Variants in ADRA2B observed in about 807,000 individuals in gnomAD.
ADRA2B encodes the protein adrenoceptor alpha 2B.
ADRA2B carries 14 observed loss-of-function variants against 14.4 expected under a neutral mutation model. That is an observed-to-expected ratio of 0.97 (90% CI 0.64 to 1.52). The LOEUF is 1.52. Ranked by LOEUF, ADRA2B falls within the 40% of genes most tolerant of loss-of-function variation. The pLI is 0.00. For synonymous variants in ADRA2B, 250 were observed against 263.7 expected (o/e 0.95, Z 0.50); for missense variants, 606 against 603.2 (o/e 1.00, Z -0.05).
Position 96,116,285 on chromosome 2 carries a change from G to T in ADRA2B, c.-136C>A. ...GGCGCTGGAGCCCCATGGCCTGGAC[G>T]AGCGGGGCCTAGGAGGTCGGGAACA... is the stretch of plus-strand genomic sequence containing the variant. On this transcript the variant is annotated 5_prime_UTR_variant, in exon 1 of 1. Transcript: ENST00000620793. The T allele has an allele frequency of 1.3e-6, 1 of 749,902 alleles. No homozygotes were observed. Among genetic ancestry groups the T allele is most frequent in the Non-Finnish European group, 2.2e-6 (1 of 449,418 alleles). The allele number at this position is 749,902 out of a possible 1,614,324, so 46.5% of individuals were successfully genotyped here.
rs2229169 is a variant in ADRA2B, at chr2:96,114,968, T to G, written c.1182A>C (p.Gly394=). The G allele has an allele frequency of 0.67, 1,085,052 of 1,612,352 alleles. 367,634 individuals carry two copies. Among genetic ancestry groups the G allele is most frequent in the Middle Eastern group, 0.85 (5,164 of 6,060 alleles). The change falls in exon 1 of 1, where the codon GGA becomes GGC. Residue 394 remains glycine, a synonymous_variant. Transcript: ENST00000620793. ...CCTTGCAGTGCTTCGGGCAGATGGC[T>G]CCCAGGCTGTAGCTGAAGAAGAAGG... ...WFPFFFSYSL[G]AICPKHCKVP...
At position 96,116,098 on chromosome 2, in the gene ADRA2B, C is replaced by T. The variant is rs775048172; in HGVS notation, c.52G>A (p.Ala18Thr). ...GTAAAGAGAATGAGGAAGGTGATGG[C>T]CGCCGCTATGGCCGCTGTGGCCTGC... ...SVQATAAIAAAITFLILFTIF... is the reference protein window; with the variant it reads ...SVQATAAIAATITFLILFTIF... The change falls in exon 1 of 1, where the codon GCC becomes ACC. Residue 18 changes from alanine (A) to threonine (T), a missense_variant. Ala to Thr is a moderately conservative substitution (Grantham distance 58). Coordinates refer to ENST00000620793, the MANE Select transcript of ADRA2B (RefSeq NM_000682.7). 1 of 1,612,194 alleles carries T rather than the reference C, an allele frequency of 6.2e-7. No homozygotes were observed. Among genetic ancestry groups the T allele is most frequent in the South Asian group, 1.1e-5 (1 of 90,758 alleles).
Position 96,113,945 on chromosome 2 carries a change from C to A in ADRA2B, c.*852G>T. On this transcript the variant is annotated 3_prime_UTR_variant, in exon 1 of 1. Transcript: ENST00000620793. ...ACCATATAATCACATTTTTGGTTCT[C>A]TAGTGTGTTCCCCCACAGAGCTCAA... 1.0e-6 allele frequency: 1 copy of A among 985,858 alleles called. No individual in the cohort carries two copies. The allele number at this position is 985,858 out of a possible 1,614,324, so 61.1% of individuals were successfully genotyped here.
In ADRA2B at chr2:96,114,011, C is replaced by A; in HGVS notation, c.*786G>T. ...CTTTCATCTCCCTGCAGCAAGTAGG[C>A]AGTGAGCTATTGTCGCCCCGATTTT... On this transcript the variant is annotated 3_prime_UTR_variant, in exon 1 of 1. Transcript: ENST00000620793. 1 of 985,906 alleles carries A rather than the reference C, an allele frequency of 1.0e-6. No homozygotes were observed. Among genetic ancestry groups the A allele is most frequent in the Non-Finnish European group, 1.2e-6 (1 of 829,940 alleles). 61.1% of individuals were successfully genotyped at this position (985,906 alleles called of 1,614,324 possible). A position where few individuals can be genotyped will look rare whatever the true frequency, so the allele number is the denominator to read the frequency against.
At position 96,113,017 on chromosome 2, in the gene ADRA2B, C is replaced by T. The variant is rs1681786157; in HGVS notation, c.*1780G>A. The T allele has an allele frequency of 2.5e-6, 1 of 397,482 alleles. No individual in the cohort carries two copies. The highest frequency in any genetic ancestry group is 2.1e-5 in the African/African-American group (1 of 48,484). The allele number at this position is 397,482 out of a possible 1,614,324, so 24.6% of individuals were successfully genotyped here. A position where few individuals can be genotyped will look rare whatever the true frequency, so the allele number is the denominator to read the frequency against. Reference sequence around the variant, plus strand: ...CACACAAGACCGGCCAGCAGAGGGTCACAGTCAGTCCCTCTCCTGGCCCAG... The same window carrying T: ...CACACAAGACCGGCCAGCAGAGGGTTACAGTCAGTCCCTCTCCTGGCCCAG... On this transcript the variant is annotated 3_prime_UTR_variant, in exon 1 of 1. Transcript: ENST00000620793.
Position 96,115,395 on chromosome 2 carries a change from G to A in ADRA2B, c.755C>T (p.Ser252Phe), listed in dbSNP as rs1393193986. The A allele has an allele frequency of 6.2e-7, 1 of 1,608,656 alleles. No homozygotes were observed. Among genetic ancestry groups the A allele is most frequent in the Non-Finnish European group, 8.5e-7 (1 of 1,176,508 alleles). Reference protein sequence around the residue: ...SAREVNGHSKSTGEKEEGETP... With the variant: ...SAREVNGHSKFTGEKEEGETP... ...CTCCCCCTCCTCCTTCTCCCCAGTG[G>A]ACTTCGAGTGTCCGTTGACCTCTCT... The change falls in exon 1 of 1, where the codon TCC becomes TTC. Residue 252 changes from serine to phenylalanine, a missense_variant. Physicochemically the swap from Ser to Phe is radical, Grantham distance 155. Coordinates refer to ENST00000620793, the MANE Select transcript of ADRA2B (RefSeq NM_000682.7).
Position 96,116,387 on chromosome 2 carries a change from T to G in ADRA2B, c.-238A>C. 1.9e-6 allele frequency: 1 copy of G among 533,212 alleles called. No individual in the cohort carries two copies. Among genetic ancestry groups the G allele is most frequent in the East Asian group, 3.2e-5 (1 of 31,032 alleles). The allele number at this position is 533,212 out of a possible 1,614,324, so 33.0% of individuals were successfully genotyped here. On this transcript the variant is annotated 5_prime_UTR_variant, in exon 1 of 1. Transcript: ENST00000620793. ...CCCTGCCGTCCGCCCCAGAGAAGTT[T>G]CCCAAGTTGTCCCGCCGCCGTCCCC...
rs1267631285 is a variant in ADRA2B at position 96,115,121 on chromosome 2, C to G, written c.1029G>C (p.Val343=). 2 of 1,608,690 alleles carry G rather than the reference C, an allele frequency of 1.2e-6. No individual in the cohort carries two copies. The highest frequency in any genetic ancestry group is 4.5e-5 in the East Asian group (2 of 44,616). ...TAGCACCCACGCCCCTGCCCAGGAG[C>G]ACCTGGCCACGTAGGGTGGCCAGCA... The part of the protein sequence containing the change: ...SRVLATLRGQ[V]LLGRGVGAIG... The change falls in exon 1 of 1, where the codon GTG becomes GTC. Residue 343 remains valine, a synonymous_variant. Transcript: ENST00000620793.
rs1421966215 is a variant in ADRA2B at position 96,114,554 on chromosome 2, G to C, written c.*243C>G. ...CCAGAGGATTTGAACCACCTCCATC[G>C]GCCTGTGCTCAGGGAGAGGGTGGAG... is the stretch of plus-strand genomic sequence containing the variant. On this transcript the variant is annotated 3_prime_UTR_variant, in exon 1 of 1. Coordinates refer to ENST00000620793, the MANE Select transcript of ADRA2B (RefSeq NM_000682.7). The C allele has an allele frequency of 7.3e-7, 1 of 1,376,922 alleles. No individual in the cohort carries two copies. The highest frequency in any genetic ancestry group is 9.4e-7 in the Non-Finnish European group (1 of 1,065,452). 85.3% of individuals were successfully genotyped at this position (1,376,922 alleles called of 1,614,324 possible). A position where few individuals can be genotyped will look rare whatever the true frequency, so the allele number is the denominator to read the frequency against.
chr2:96,115,173 G>C lies in ADRA2B; in HGVS notation c.977C>G (p.Pro326Arg), dbSNP rs45494291. ...CCGGGAGCCCTGTGGCTGCTGCAGC[G>C]GGGGGCTGCAAGCTGAGGCCGGAGA... is the stretch of plus-strand genomic sequence containing the variant. ...PVSPASACSP[P>R]LQQPQGSRVL... The change falls in exon 1 of 1, where the codon CCG (proline) becomes CGG (arginine). Residue 326 changes from proline to arginine, a missense_variant. Physicochemically the swap from Pro to Arg is moderately radical, Grantham distance 103. Transcript: ENST00000620793. 6.2e-5 allele frequency: 97 copies of C among 1,572,766 alleles called. No individual in the cohort carries two copies. The highest frequency in any genetic ancestry group is 9.5e-5 in the African/African-American group (7 of 73,732).
rs917744622 is a variant in ADRA2B at position 96,114,510 on chromosome 2, T to G, written c.*287A>C. On this transcript the variant is annotated 3_prime_UTR_variant, in exon 1 of 1. Transcript: ENST00000620793. ...TCTGGGAAGAAAGTGCTCTCTCTTC[T>G]CCTGGTCTTGGCTATGTTCCAGAGG... 56 of 1,261,384 alleles carry G rather than the reference T, an allele frequency of 4.4e-5. No homozygotes were observed. The highest frequency in any genetic ancestry group is 5.5e-5 in the Non-Finnish European group (55 of 998,360). 78.1% of individuals were successfully genotyped at this position (1,261,384 alleles called of 1,614,324 possible). A position where few individuals can be genotyped will look rare whatever the true frequency, so the allele number is the denominator to read the frequency against.
At position 96,115,221 on chromosome 2, in the gene ADRA2B, C is replaced by T. The variant is rs867583498; in HGVS notation, c.929G>A (p.Cys310Tyr). 1.6e-5 allele frequency: 25 copies of T among 1,553,844 alleles called. No individual in the cohort carries two copies. Among genetic ancestry groups the T allele is most frequent in the Non-Finnish European group, 2.2e-5 (25 of 1,148,956 alleles). Residue 310 changes from cysteine to tyrosine, a missense_variant, in exon 1 of 1, where the codon TGT (cysteine) becomes TAT (tyrosine). Physicochemically the swap from Cys to Tyr is radical, Grantham distance 194. Coordinates refer to ENST00000620793, the MANE Select transcript of ADRA2B (RefSeq NM_000682.7). ...AGACACTGGCACTGCCTGGGGTTCA[C>T]ACTCTTCCTCCTCCTCCTCCTCCTC... ...EEEEEEEEEE[C>Y]EPQAVPVSPA...
At position 96,114,940 on chromosome 2, in the gene ADRA2B, G is replaced by C. The variant is rs1481106105; in HGVS notation, c.1210C>G (p.Pro404Ala). Residue 404 changes from proline to alanine, a missense_variant, in exon 1 of 1, where the codon CCC becomes GCC. By Grantham distance (27) the Pro-to-Ala change is conservative. Coordinates refer to ENST00000620793, the MANE Select transcript of ADRA2B (RefSeq NM_000682.7). ...GAICPKHCKV[P>A]HGLFQFFFWI... is the part of the protein sequence containing the mutation. ...AAGAAGAACTGGAAGAGGCCATGGG[G>C]CACCTTGCAGTGCTTCGGGCAGATG... is the stretch of plus-strand genomic sequence containing the variant. The C allele has an allele frequency of 6.2e-7, 1 of 1,613,726 alleles. No homozygotes were observed. Among genetic ancestry groups the C allele is most frequent in the Non-Finnish European group, 8.5e-7 (1 of 1,179,802 alleles).
In ADRA2B at chr2:96,116,069, G is replaced by A. The variant is rs1681867878; in HGVS notation, c.81C>T (p.Ile27=). 1 of 1,612,932 alleles carries A rather than the reference G, an allele frequency of 6.2e-7. No individual in the cohort carries two copies. Among genetic ancestry groups the A allele is most frequent in the Non-Finnish European group, 8.5e-7 (1 of 1,179,646 alleles). Residue 27 remains isoleucine, a synonymous_variant, in exon 1 of 1, where the codon ATC becomes ATT. Coordinates refer to ENST00000620793, the MANE Select transcript of ADRA2B (RefSeq NM_000682.7). ...CCAGGATGACCAGAGCGTTGCCGAA[G>A]ATGGTAAAGAGAATGAGGAAGGTGA... ...AAITFLILFT[I]FGNALVILAV... is the part of the protein sequence containing the mutation.
rs1381172406 is a variant in ADRA2B at position 96,115,519 on chromosome 2, C to G, written c.631G>C (p.Gly211Arg). 3 of 1,613,820 alleles carry G rather than the reference C, an allele frequency of 1.9e-6. No individual in the cohort carries two copies. The highest frequency in any genetic ancestry group is 2.5e-6 in the Non-Finnish European group (3 of 1,179,882). The change falls in exon 1 of 1, where the codon GGG becomes CGG. Residue 211 changes from glycine (G) to arginine (R), a missense_variant. Physicochemically the swap from Gly to Arg is moderately radical, Grantham distance 125. Transcript: ENST00000620793. ...RSNRRGPRAK[G>R]GPGQGESKQP... is the part of the protein sequence containing the mutation. ...TTGGACTCACCCTGCCCAGGCCCCC[C>G]CTTGGCCCTGGGACCTCTGCGGTTG... is the stretch of plus-strand genomic sequence containing the variant.
At position 96,116,517 on chromosome 2, in the gene ADRA2B, A is replaced by T. The variant is rs916639100; in HGVS notation, c.-368T>A. Among the ~76,000 whole-genome samples the T allele has an allele frequency of 6.6e-6, 1 of 151,720 alleles. No homozygotes were observed. The highest frequency in any genetic ancestry group is 2.0e-4 in the East Asian group (1 of 5,098). ...CCGGTTCTTAAAGGAGGCGCGGAGG[A>T]CCTTGCGCCCGCTCAGCTCGCAGGC... On this transcript the variant is annotated 5_prime_UTR_variant, in exon 1 of 1. Coordinates refer to ENST00000620793, the MANE Select transcript of ADRA2B (RefSeq NM_000682.7).
chr2:96,115,226 T>TTCCTCCTCC lies in ADRA2B; in HGVS notation c.915_923dup (p.Glu307_Glu309dup), dbSNP rs1354862709. 2.6e-6 allele frequency: 4 copies of TTCCTCCTCC among 1,539,734 alleles called. No individual in the cohort carries two copies. The highest frequency in any genetic ancestry group is 3.5e-6 in the Non-Finnish European group (4 of 1,139,188). ...CTGGCACTGCCTGGGGTTCACACTC[T>TTCCTCCTCC]TCCTCCTCCTCCTCCTCCTCTTCCT... On this transcript the variant is annotated inframe_insertion, in exon 1 of 1. Coordinates refer to ENST00000620793, the MANE Select transcript of ADRA2B (RefSeq NM_000682.7).
Position 96,115,282 on chromosome 2 carries a change from C to T in ADRA2B, c.868G>A (p.Gly290Arg). The change falls in exon 1 of 1, where the codon GGG (glycine) becomes AGG (arginine). Residue 290 changes from glycine to arginine, a missense_variant. Coordinates refer to ENST00000620793, the MANE Select transcript of ADRA2B (RefSeq NM_000682.7). ...TCAGCTTCATCCTCTGGAGATGCCC[C>T]ACAAACACCCTCCTTCTGGCCCTGG... Reference protein sequence around the residue: ...SGQGQKEGVCGASPEDEAEEE... With the variant: ...SGQGQKEGVCRASPEDEAEEE... The T allele has an allele frequency of 2.5e-6, 4 of 1,574,232 alleles. No homozygotes were observed. Among genetic ancestry groups the T allele is most frequent in the Non-Finnish European group, 3.4e-6 (4 of 1,159,732 alleles).
In ADRA2B at chr2:96,116,227, A is replaced by G; in HGVS notation, c.-78T>C. 7.4e-7 allele frequency: 1 copy of G among 1,353,792 alleles called. No homozygotes were observed. The highest frequency in any genetic ancestry group is 1.0e-6 in the Non-Finnish European group (1 of 969,144). The allele number at this position is 1,353,792 out of a possible 1,614,324, so 83.9% of individuals were successfully genotyped here. A position where few individuals can be genotyped will look rare whatever the true frequency, so the allele number is the denominator to read the frequency against. On this transcript the variant is annotated 5_prime_UTR_variant, in exon 1 of 1. An upstream open reading frame in the 5' UTR loses its in-frame stop. Coordinates refer to ENST00000620793, the MANE Select transcript of ADRA2B (RefSeq NM_000682.7). ...GACGACAGCGCTGCCCGGCTCGGCT[A>G]GACAAGAGCGTCGCCCCTCGGGCGG...
Sources: allele counts gnomAD v4.1 joint callset (sites outside exome capture counted in the v4.1 genomes callset), GRCh38; gene constraint gnomAD v4.1.1; transcripts MANE v1.5; gene names NCBI Gene and HGNC (gene_info 2026-07-23, HGNC 2026-07-21).